The following SRGAP2 variants were observed in gnomAD, a reference collection of about 807,000 sequenced individuals.
SRGAP2 encodes the protein SLIT-ROBO Rho GTPase-activating protein 2.
In SRGAP2, 15 loss-of-function variants were observed where a neutral mutation model predicts 57.2. The observed-to-expected ratio is 0.26, with a 90% confidence interval of 0.18 to 0.40. The LOEUF (loss-of-function observed/expected upper bound fraction) is 0.40, where lower values mean the gene tolerates loss of function less well. SRGAP2 is among the 10% of genes least tolerant of loss of function. SRGAP2 has a pLI of 1.00. For missense variants in SRGAP2, 520 were observed against 669.6 expected (o/e 0.78, Z 2.47); for synonymous variants, 249 against 248.0 (o/e 1.00, Z -0.04).
chr1:206,445,417 C>T (rs1487303159), intron 17 of SRGAP2, among the ~76,000 whole-genome samples: 2 of 152,216 alleles, frequency 1.3e-5, no homozygotes, highest in African/African-American at 4.8e-5. Flanking sequence ...AAATGGCATG[C>T]TGACCTTTTC....
intron 1 of SRGAP2, chr1:206,205,105 C>T (rs1439439738): frequency 6.6e-6 from 1 of 152,146 alleles, no homozygotes; most frequent in Admixed American, 6.5e-5. Context: ...GGAGGGCTCC[C>T]TCGGGCTGGC....
intron 2 of SRGAP2, among the ~76,000 whole-genome samples, chr1:206,234,900 AG>A (rs1447157192): frequency 6.6e-6 from 1 of 152,028 alleles, no homozygotes; most frequent in Non-Finnish European, 1.5e-5. Flanking sequence ...AGAAATGTTA[AG>A]AACTGCAGGA....
At chr1:206,231,504 C>T (rs1235064872) in intron 2 of SRGAP2, among the ~76,000 whole-genome samples, 7 of 151,786 alleles carry the variant, frequency 4.6e-5, no homozygotes, top group Admixed American at 6.6e-5. Flanking sequence ...TTTGCTTAGC[C>T]TTGAACTCTT....
Position 206,430,185 on chromosome 1 carries a change from G to A in SRGAP2, c.1518G>A (p.Leu506=), listed in dbSNP as rs2297539. Residue 506 remains leucine, a synonymous_variant, in exon 14 of 23, where the codon CTG becomes CTA. Coordinates refer to ENST00000573034, the MANE Select transcript of SRGAP2 (RefSeq NM_015326.5). ...AGGACTCCAGCCAGGCAATTCCTCT[G>A]GTGGTGGAAAGCTGTATCCGGTTTA... ...RKQDSSQAIP[L]VVESCIRFIS... 374,031 of 780,294 alleles carry A rather than the reference G, an allele frequency of 0.48. 91,627 individuals carry two copies. Among genetic ancestry groups the A allele is most frequent in the East Asian group, 0.7 (28,880 of 41,218 alleles). The allele number at this position is 780,294 out of a possible 1,614,324, so 48.3% of individuals were successfully genotyped here.
At chr1:206,431,105 T>G (rs1185596951) in intron 14 of SRGAP2, among the ~76,000 whole-genome samples, 1 of 152,200 alleles carries the variant, frequency 6.6e-6, no homozygotes, top group African/African-American at 2.4e-5. Context: ...TCTTTTTCTC[T>G]CCCTGTAAAC....
At chr1:206,304,183 A>G (rs1672053319) in intron 3 of SRGAP2, among the ~76,000 whole-genome samples, 1 of 148,516 alleles carries the variant, frequency 6.7e-6, no homozygotes, top group South Asian at 2.2e-4. Flanking sequence ...TTTTGCCTGA[A>G]TGATTGCAGT....
chr1:206,328,213 G>T (rs1674109790), intron 3 of SRGAP2, among the ~76,000 whole-genome samples: 1 of 56,734 alleles, frequency 1.8e-5, no homozygotes, highest in African/African-American at 1.2e-4. Flanking sequence ...ATCATTGTTG[G>T]ACATTTGGGT....
chr1:206,430,518 G>T (rs961412504), intron 14 of SRGAP2, among the ~76,000 whole-genome samples: 2 of 152,168 alleles, frequency 1.3e-5, no homozygotes, highest in Admixed American at 6.5e-5. Flanking sequence ...GCTATTATGT[G>T]GTAACAGTAG....
chr1:206,272,891 A>G (rs1482958696), intron 2 of SRGAP2, among the ~76,000 whole-genome samples: 16 of 152,212 alleles, frequency 1.1e-4, no homozygotes, highest in Non-Finnish European at 1.9e-4. Context: ...CCATTGCGTT[A>G]AAGCGTTCAG....
At position 206,386,812 on chromosome 1, in the gene SRGAP2, A is replaced by G. The variant is rs1405938464; in HGVS notation, c.486+2736A>G. ...AGACTGTCTCAAAAAAAAAAAAAAG[A>G]AAAAGGAAAAAAAGAGAAAGTTCAG... On this transcript the variant is annotated intron_variant, in intron 5 of 22. Transcript: ENST00000573034. Among the ~76,000 whole-genome samples the G allele has an allele frequency of 3.2e-3, 462 of 146,092 alleles. 2 individuals are homozygous for G. Among genetic ancestry groups the G allele is most frequent in the African/African-American group, 0.011 (445 of 39,670 alleles).
rs554775351 is a variant in SRGAP2 at position 206,216,301 on chromosome 1, C to A, written c.67+10264C>A. On this transcript the variant is annotated intron_variant, in intron 2 of 22. Coordinates refer to ENST00000573034, the MANE Select transcript of SRGAP2 (RefSeq NM_015326.5). ...TCAGTCACATCTCTTACCTTGGAAA[C>A]CAAGAAAAATGTTAACACTGAAATT... is the stretch of plus-strand genomic sequence containing the variant. 1.7e-3 allele frequency among the ~76,000 whole-genome samples: 257 copies of A among 152,278 alleles called. 1 individual carries two copies. Among genetic ancestry groups the A allele is most frequent in the South Asian group, 9.7e-3 (47 of 4,824 alleles).
In SRGAP2 at chr1:206,464,139, G is replaced by A. The variant is rs1384231833; in HGVS notation, c.*2719G>A. 2 of 152,618 alleles carry A rather than the reference G, an allele frequency of 1.3e-5. No individual in the cohort carries two copies. The highest frequency in any genetic ancestry group is 4.8e-5 in the African/African-American group (2 of 41,436). The allele number at this position is 152,618 out of a possible 1,614,324, so 9.5% of individuals were successfully genotyped here. On this transcript the variant is annotated 3_prime_UTR_variant, in exon 23 of 23. Transcript: ENST00000573034. Reference sequence around the variant, plus strand: ...CAGGGCGCCCTGGCTTCTCCCCAAGGAGATGAGGAGCGGTGATGCCAGCAC... The same window carrying A: ...CAGGGCGCCCTGGCTTCTCCCCAAGAAGATGAGGAGCGGTGATGCCAGCAC...
chr1:206,332,506 T>A (rs1226223811), intron 3 of SRGAP2, among the ~76,000 whole-genome samples: 2 of 150,600 alleles, frequency 1.3e-5, no homozygotes, highest in Admixed American at 1.3e-4. Context: ...CTTTGCTCAT[T>A]TCTTTTTATT....
Position 206,446,036 on chromosome 1 carries a change from G to A in SRGAP2, c.1875-39G>A, listed in dbSNP as rs372603990. 377 of 775,716 alleles carry A rather than the reference G, an allele frequency of 4.9e-4. 3 individuals carry two copies. The African/African-American group carries it at 5.8e-3, about 12-fold the overall frequency. The allele number at this position is 775,716 out of a possible 1,614,324, so 48.1% of individuals were successfully genotyped here. A position where few individuals can be genotyped will look rare whatever the true frequency, so the allele number is the denominator to read the frequency against. On this transcript the variant is annotated intron_variant, in intron 17 of 22. Transcript: ENST00000573034. Reference sequence around the variant, plus strand: ...GATTGTGTTTTCTGGGCATTCATGCGAGAGCTTTCCAGCTTGCCCCCTTTC... The same window carrying A: ...GATTGTGTTTTCTGGGCATTCATGCAAGAGCTTTCCAGCTTGCCCCCTTTC...
intron 2 of SRGAP2, among the ~76,000 whole-genome samples, chr1:206,262,614 G>T (rs1297587873): frequency 6.7e-6 from 1 of 148,776 alleles, no homozygotes; most frequent in Non-Finnish European, 1.5e-5. Context: ...AGACTGACTG[G>T]TGGAGATTAA....
intron 3 of SRGAP2, among the ~76,000 whole-genome samples, chr1:206,303,882 TCTCTCTCA>T (rs1458588353): frequency 1.7e-4 from 23 of 137,468 alleles, no homozygotes; most frequent in African/African-American, 1.6e-4. Flanking sequence ...TCTCTCTCTC[TCTCTCTCA>T]CACACACACA....
In SRGAP2 at chr1:206,430,154, C is replaced by T. The variant is rs1553367851; in HGVS notation, c.1495-8C>T. On this transcript the variant is annotated splice_polypyrimidine_tract_variant and splice_region_variant and intron_variant, in intron 13 of 22. Transcript: ENST00000573034. ...ATTCTAATGTTGTGTTTCCCTTTGG[C>T]TTTTCAGGACTCCAGCCAGGCAATT... 2.6e-6 allele frequency: 2 copies of T among 780,702 alleles called. No individual in the cohort carries two copies. The highest frequency in any genetic ancestry group is 1.3e-5 in the South Asian group (1 of 74,618). The allele number at this position is 780,702 out of a possible 1,614,324, so 48.4% of individuals were successfully genotyped here.
chr1:206,307,150 G>A (rs1672269311), intron 3 of SRGAP2, among the ~76,000 whole-genome samples: 1 of 152,196 alleles, frequency 6.6e-6, no homozygotes, highest in South Asian at 2.1e-4. Flanking sequence ...ACAGGGTGCT[G>A]ATTGGTGTGT....
At chr1:206,357,510 C>T (rs1571945621) in intron 4 of SRGAP2, among the ~76,000 whole-genome samples, 1 of 149,962 alleles carries the variant, frequency 6.7e-6, no homozygotes, top group African/African-American at 2.4e-5. Context: ...CCTATATGAT[C>T]ATACAGCAGT....
Sources: gnomAD v4.1 joint callset for allele counts (sites outside exome capture counted in the v4.1 genomes callset) on GRCh38, gnomAD v4.1.1 for gene constraint, MANE v1.5 for transcripts, NCBI Gene and HGNC (gene_info 2026-07-23, HGNC 2026-07-21) for gene names.